The following IGSF10 variants were observed in gnomAD, a reference collection of about 807,000 sequenced individuals.
The protein encoded by IGSF10 is immunoglobulin superfamily member 10.
IGSF10 carries 126 observed loss-of-function variants against 128.2 expected under a neutral mutation model. That is an observed-to-expected ratio of 0.98 (90% confidence interval 0.85 to 1.14). IGSF10 has a LOEUF of 1.14. Among genes scored for constraint, IGSF10 ranks in the 50% most tolerant of loss-of-function variants. The probability of loss-of-function intolerance (pLI) is 0.00; values close to 1 mark genes in which losing one functional copy is unlikely to be tolerated. For missense variants in IGSF10, 3,295 were observed against 3,149.8 expected, an observed-to-expected ratio of 1.05 and a Z score of -1.10; for synonymous variants, 1,185 against 1,146.2, an observed-to-expected ratio of 1.03 and a Z score of -0.68.
upstream of IGSF10, among the ~76,000 whole-genome samples, chr3:151,464,871 C>T (rs1269281652): frequency 6.6e-6 from 1 of 152,288 alleles, no homozygotes; most frequent in African/African-American, 2.4e-5. Context: ...CATCTTTCTT[C>T]CAATACAGTT....
the IGSF10 span, among the ~76,000 whole-genome samples, chr3:151,524,442 C>T: frequency 6.6e-6 from 1 of 152,136 alleles, no homozygotes; most frequent in Admixed American, 6.5e-5. Context: ...GAATCCTATG[C>T]AGCCATAAAA....
chr3:151,446,667 AGAG>A lies in IGSF10; in HGVS notation c.3311_3313del (p.Thr1104_Leu1105delinsIle). The A allele has an allele frequency of 3.1e-6, 5 of 1,614,038 alleles. No homozygotes were observed. Among genetic ancestry groups the A allele is most frequent in the Non-Finnish European group, 3.4e-6 (4 of 1,179,926 alleles). On this transcript the variant is annotated inframe_deletion, in exon 6 of 8. Transcript: ENST00000282466. Reference sequence around the variant, plus strand: ...AAGTAGTAATAGTGGATTCTGGACTAGAGTTGTAGACTCTTCTGATGGGACTCT... The same window carrying A: ...AAGTAGTAATAGTGGATTCTGGACTATTGTAGACTCTTCTGATGGGACTCT...
downstream of IGSF10, chr3:151,434,931 C>A (rs995093800): frequency 2.0e-5 from 3 of 152,106 alleles, no homozygotes; most frequent in African/African-American, 7.2e-5. Context: ...TATGCTACGA[C>A]TCTAATTAAT....
At position 151,436,835 on chromosome 3, in the gene IGSF10, CTT is replaced by C. The variant is rs761477551; in HGVS notation, c.7724_7725del (p.Lys2575ArgfsTer7). 8.1e-6 allele frequency: 13 copies of C among 1,614,078 alleles called. No individual in the cohort carries two copies. Among genetic ancestry groups the C allele is most frequent in the African/African-American group, 1.3e-5 (1 of 74,930 alleles). The stretch of plus-strand genomic sequence containing the variant: ...AGCTGCTCACTTCCATGTGTCCTCT[CTT>C]TACTTGCCGTTGAGAGAAGGGAGTG... ...PDHSLLSTAS[K>X]ERTHGSEQLH... On this transcript the variant is annotated frameshift_variant, in exon 8 of 8. Transcript: ENST00000282466. LOFTEE classifies it low-confidence loss of function (END_TRUNC).
chr3:151,562,303 T>G, the IGSF10 span, among the ~76,000 whole-genome samples: 1 of 152,202 alleles, frequency 6.6e-6, no homozygotes, highest in South Asian at 2.1e-4. Flanking sequence ...AAGGGGAATA[T>G]TAATAATCCA....
chr3:151,612,256 GA>G, the IGSF10 span, among the ~76,000 whole-genome samples: 1 of 152,072 alleles, frequency 6.6e-6, no homozygotes, highest in South Asian at 2.1e-4. Flanking sequence ...AAAATGAATT[GA>G]AAAACATTTC....
At chr3:151,530,169 T>G in the IGSF10 span, among the ~76,000 whole-genome samples, 1 of 149,544 alleles carries the variant, frequency 6.7e-6, no homozygotes, top group South Asian at 2.1e-4. Context: ...GAAAAAAGAG[T>G]GAAAAGAAAT....
the IGSF10 span, among the ~76,000 whole-genome samples, chr3:151,507,739 C>A: frequency 9.9e-5 from 15 of 152,094 alleles, no homozygotes; most frequent in Non-Finnish European, 1.6e-4. Context: ...AATTACCTCC[C>A]AAAAGTCCCT....
At chr3:151,606,900 G>A in the IGSF10 span, among the ~76,000 whole-genome samples, 47 of 152,252 alleles carry the variant, frequency 3.1e-4, no homozygotes, top group Non-Finnish European at 5.4e-4. Flanking sequence ...AAGACAGTTT[G>A]TTAAACACGT....
the IGSF10 span, among the ~76,000 whole-genome samples, chr3:151,500,780 A>T: frequency 2.0e-5 from 3 of 152,092 alleles, no homozygotes; most frequent in Non-Finnish European, 4.4e-5. Flanking sequence ...ATTCAACCCT[A>T]ATGAGCAGCC....
chr3:151,496,509 C>A, the IGSF10 span, among the ~76,000 whole-genome samples: 45 of 132,992 alleles, frequency 3.4e-4, no homozygotes, highest in Middle Eastern at 3.7e-3. Context: ...ATCCATGTCC[C>A]TACAAAGGAC....
chr3:151,532,284 T>C, the IGSF10 span, among the ~76,000 whole-genome samples: 2 of 152,122 alleles, frequency 1.3e-5, no homozygotes, highest in Non-Finnish European at 2.9e-5. Flanking sequence ...CCTTCTGAAA[T>C]TGTTCCTAAC....
At chr3:151,579,706 G>A in the IGSF10 span, among the ~76,000 whole-genome samples, 9 of 151,638 alleles carry the variant, frequency 5.9e-5, no homozygotes, top group Non-Finnish European at 1.3e-4. Context: ...AGAATGGAGA[G>A]AACAAATAAA....
chr3:151,499,707 T>C, the IGSF10 span: 72,846 of 151,874 alleles, frequency 0.48, 17,844 homozygotes, highest in African/African-American at 0.57. Context: ...GCTCACACAG[T>C]GGTTTCAGGT....
At position 151,448,026 on chromosome 3, in the gene IGSF10, C is replaced by G; in HGVS notation, c.1955G>C (p.Gly652Ala). 1.9e-6 allele frequency: 3 copies of G among 1,614,158 alleles called. No homozygotes were observed. Among genetic ancestry groups the G allele is most frequent in the Non-Finnish European group, 2.5e-6 (3 of 1,180,032 alleles). The stretch of plus-strand genomic sequence containing the variant: ...AACTTGGAAAATCAAAAAATCAACC[C>G]CTGATGGGTTGGCTGCCACACAGCG... ...YYRCVAANPS[G>A]VDFLIFQVSV... The change falls in exon 6 of 8, where the codon GGG becomes GCG. Residue 652 changes from glycine to alanine, a missense_variant. Transcript: ENST00000282466.
chr3:151,473,795 C>T, the IGSF10 span, among the ~76,000 whole-genome samples: 15 of 152,086 alleles, frequency 9.9e-5, no homozygotes, highest in African/African-American at 3.6e-4. Context: ...TCTACCTCCT[C>T]GTTGGTTCAG....
chr3:151,533,438 A>T, the IGSF10 span, among the ~76,000 whole-genome samples: 1 of 152,218 alleles, frequency 6.6e-6, no homozygotes, highest in Non-Finnish European at 1.5e-5. Context: ...ACAGCATGGT[A>T]CTGGTACCAA....
At chr3:151,497,854 G>A in the IGSF10 span, among the ~76,000 whole-genome samples, 124,376 of 151,288 alleles carry the variant, frequency 0.82, 51,199 homozygotes, top group Middle Eastern at 0.93. Flanking sequence ...TTATTTCGCT[G>A]AGCAGTGGTT....
At chr3:151,537,297 T>A in the IGSF10 span, among the ~76,000 whole-genome samples, 81 of 152,192 alleles carry the variant, frequency 5.3e-4, no homozygotes, top group African/African-American at 1.8e-3. Context: ...TTGGGTTACT[T>A]TCTCTCAAAG....
Sources: gnomAD v4.1 joint callset for allele counts (sites outside exome capture counted in the v4.1 genomes callset) on GRCh38, gnomAD v4.1.1 for gene constraint, MANE v1.5 for transcripts, NCBI Gene and HGNC (gene_info 2026-07-23, HGNC 2026-07-21) for gene names.